Variants in TRPC6 observed in about 807,000 individuals in gnomAD.
TRPC6 encodes short transient receptor potential channel 6.
In TRPC6, 55 loss-of-function variants were observed where a neutral mutation model predicts 90.7. The ratio of observed to expected loss-of-function variants is 0.61; its 90% CI spans 0.49 to 0.76. The LOEUF (loss-of-function observed/expected upper bound fraction) is 0.76, where lower values mean the gene tolerates loss of function less well. Among genes scored for constraint, TRPC6 ranks in the 30% least tolerant of loss-of-function variants. TRPC6 has a pLI of 0.00. For missense variants in TRPC6, 989 were observed against 1,122.7 expected, an observed-to-expected ratio of 0.88 and a Z score of 1.70; for synonymous variants, 393 against 393.0, an observed-to-expected ratio of 1.00 and a Z score of 0.00.
chr11:101,567,640 C>T (rs1040908687), intron 1 of TRPC6, among the ~76,000 whole-genome samples: 13 of 152,270 alleles, frequency 8.5e-5, no homozygotes, highest in Admixed American at 4.6e-4. Context: ...TGGTGGGTGC[C>T]CCTCTGGGAT....
rs755001257 is a variant in TRPC6, at chr11:101,504,250, C to T, written c.719G>A (p.Arg240Gln). 5.0e-6 allele frequency: 8 copies of T among 1,613,908 alleles called. No homozygotes were observed. The highest frequency in any genetic ancestry group is 2.2e-5 in the South Asian group (2 of 91,082). Residue 240 changes from arginine (R) to glutamine (Q), a missense_variant, in exon 2 of 13, where the codon CGG (arginine) becomes CAG (glutamine). By Grantham distance (43) the Arg-to-Gln change is conservative. This residue lies in a region of TRPC6 where 486 missense variants were observed against 591.9 expected (regional missense o/e 0.82). Coordinates refer to ENST00000344327, the MANE Select transcript of TRPC6 (RefSeq NM_004621.6). Reference protein sequence around the residue: ...QEYEIVHTLLRKGARIERPHD... With the variant: ...QEYEIVHTLLQKGARIERPHD... Reference sequence around the variant, plus strand: ...AGGCCGTTCAATCCTAGCACCCTTCCGCAGGAGGGTATGCACAATTTCATA... The same window carrying T: ...AGGCCGTTCAATCCTAGCACCCTTCTGCAGGAGGGTATGCACAATTTCATA...
intron 2 of TRPC6, 65 bp downstream of exon 2, chr11:101,503,959 G>A (rs1860192748): frequency 6.2e-7 from 1 of 1,600,484 alleles, no homozygotes; most frequent in African/African-American, 1.3e-5. Flanking sequence ...GCACATGGGG[G>A]AAGCTGGTAA....
intron 8 of TRPC6, 56 bp downstream of exon 8, chr11:101,472,081 C>T: frequency 1.9e-6 from 3 of 1,542,536 alleles, no homozygotes; most frequent in African/African-American, 1.4e-5. Context: ...CTGAGTTAGC[C>T]CTTGGAATAG....
intron 1 of TRPC6, among the ~76,000 whole-genome samples, chr11:101,510,540 G>C (rs1465850953): frequency 6.6e-6 from 1 of 152,142 alleles, no homozygotes; most frequent in Non-Finnish European, 1.5e-5. Flanking sequence ...ATGGTTAAAA[G>C]ATTAGTAACC....
intron 5 of TRPC6, among the ~76,000 whole-genome samples, chr11:101,480,532 C>T (rs1031250420): frequency 6.6e-6 from 1 of 151,954 alleles, no homozygotes; most frequent in East Asian, 1.9e-4. Context: ...ATAAATCATT[C>T]TCTTCATGCC....
At chr11:101,528,909 A>G (rs184639506) in intron 1 of TRPC6, among the ~76,000 whole-genome samples, 2 of 152,206 alleles carry the variant, frequency 1.3e-5, no homozygotes, top group East Asian at 3.9e-4. Flanking sequence ...GAAAATATTA[A>G]TGATTCTTCC....
chr11:101,476,502 T>A lies in TRPC6; in HGVS notation c.1543A>T (p.Thr515Ser). The A allele has an allele frequency of 6.2e-7, 1 of 1,614,060 alleles. No homozygotes were observed. Among genetic ancestry groups the A allele is most frequent in the Non-Finnish European group, 8.5e-7 (1 of 1,179,972 alleles). ...MIWAECKEIW[T>S]QGPKEYLFEL... is the part of the protein sequence containing the mutation. ...AACAAATATTCCTTGGGGCCCTGAG[T>A]CCAGATTTCTTTACATTCAGCCCAT... is the stretch of plus-strand genomic sequence containing the variant. Residue 515 changes from threonine (T) to serine (S), a missense_variant, in exon 6 of 13, where the codon ACT (threonine) becomes TCT (serine). Thr to Ser is a moderately conservative substitution (Grantham distance 58, BLOSUM62 1). Coordinates refer to ENST00000344327, the MANE Select transcript of TRPC6 (RefSeq NM_004621.6).
intron 10 of TRPC6, among the ~76,000 whole-genome samples, chr11:101,462,925 G>C (rs1038380889): frequency 2.6e-5 from 4 of 152,140 alleles, no homozygotes; most frequent in African/African-American, 9.7e-5. Context: ...TGCCCATTCA[G>C]TATGATATTG....
At chr11:101,477,257 G>A (rs1222174496) in intron 5 of TRPC6, among the ~76,000 whole-genome samples, 1 of 151,262 alleles carries the variant, frequency 6.6e-6, no homozygotes, top group East Asian at 1.9e-4. Flanking sequence ...CCCTGCCTGA[G>A]AGCCCTTGAG....
chr11:101,581,286 T>C (rs187017013), intron 1 of TRPC6, among the ~76,000 whole-genome samples: 125 of 152,288 alleles, frequency 8.2e-4, no homozygotes, highest in African/African-American at 2.8e-3. Context: ...CTGGGTAACA[T>C]AGTGAGAACT....
chr11:101,466,036 C>T (rs916736926), intron 10 of TRPC6, among the ~76,000 whole-genome samples: 1 of 152,168 alleles, frequency 6.6e-6, no homozygotes, highest in Non-Finnish European at 1.5e-5. Context: ...AATCGTCAGG[C>T]CCCTCTGCTA....
chr11:101,517,327 C>A (rs1028657955), intron 1 of TRPC6, among the ~76,000 whole-genome samples: 1 of 152,186 alleles, frequency 6.6e-6, no homozygotes, highest in Non-Finnish European at 1.5e-5. Flanking sequence ...CTATTTTCCA[C>A]GGACAAATTA....
intron 1 of TRPC6, among the ~76,000 whole-genome samples, chr11:101,560,423 C>T (rs1861688326): frequency 6.6e-6 from 1 of 152,150 alleles, no homozygotes; most frequent in South Asian, 2.1e-4. Context: ...GTCCCCAACC[C>T]TCCTTTACAT....
At chr11:101,514,161 G>GTTCA (rs762096606) in intron 1 of TRPC6, among the ~76,000 whole-genome samples, 21 of 152,082 alleles carry the variant, frequency 1.4e-4, no homozygotes, top group African/African-American at 4.1e-4. Context: ...GATCGTAACA[G>GTTCA]TTCATTCATT....
chr11:101,521,753 C>T (rs1860665923), intron 1 of TRPC6, among the ~76,000 whole-genome samples: 1 of 152,188 alleles, frequency 6.6e-6, no homozygotes. Flanking sequence ...GGGAGCTCAC[C>T]CCATGCATCA....
At chr11:101,530,223 A>G (rs935165042) in intron 1 of TRPC6, among the ~76,000 whole-genome samples, 2 of 152,020 alleles carry the variant, frequency 1.3e-5, no homozygotes, top group African/African-American at 2.4e-5. Flanking sequence ...ACTTGGCTCT[A>G]GCCCCTATAA....
chr11:101,503,820 T>C (rs1215609644), intron 2 of TRPC6, among the ~76,000 whole-genome samples: 2 of 152,196 alleles, frequency 1.3e-5, no homozygotes, highest in African/African-American at 2.4e-5. Flanking sequence ...AAATGCAAAA[T>C]GTCTGGCAGA....
intron 1 of TRPC6, among the ~76,000 whole-genome samples, chr11:101,534,790 T>A (rs961366529): frequency 6.6e-6 from 1 of 152,186 alleles, no homozygotes; most frequent in African/African-American, 2.4e-5. Context: ...GAAAATTTTT[T>A]AAAAGGTTTA....
rs200028974 is a variant in TRPC6, at chr11:101,452,743, A to C, written c.*212T>G. 2 of 568,574 alleles carry C rather than the reference A, an allele frequency of 3.5e-6. No homozygotes were observed. Among genetic ancestry groups the C allele is most frequent in the Non-Finnish European group, 6.2e-6 (2 of 321,726 alleles). The allele number at this position is 568,574 out of a possible 1,614,324, so 35.2% of individuals were successfully genotyped here. A position where few individuals can be genotyped will look rare whatever the true frequency, so the allele number is the denominator to read the frequency against. ...AAACAAGCACCAAACAACTGGGCAT[A>C]ATTTTCCTCATTATCTACAGCCTTT... On this transcript the variant is annotated 3_prime_UTR_variant, in exon 13 of 13. Transcript: ENST00000344327.
Sources: allele counts gnomAD v4.1 joint callset (sites outside exome capture counted in the v4.1 genomes callset), GRCh38; gene constraint gnomAD v4.1.1; regional missense constraint gnomAD v4.1.1; transcripts MANE v1.5; gene names NCBI Gene and HGNC (gene_info 2026-07-23, HGNC 2026-07-21).